SPOCK1: variants seen among roughly 807,000 people sequenced by gnomAD.
SPOCK1 encodes the protein SPARC (osteonectin), cwcv and kazal like domains proteoglycan 1.
A neutral mutation model predicts 55.3 loss-of-function variants in SPOCK1; 23 were observed. The observed-to-expected ratio is 0.42, with a 90% CI of 0.30 to 0.59. The LOEUF (loss-of-function observed/expected upper bound fraction) is 0.59. Among genes scored for constraint, SPOCK1 ranks in the 20% least tolerant of loss-of-function variants. SPOCK1 has a pLI of 0.22. For missense variants in SPOCK1, 499 were observed against 552.5 expected (o/e 0.90, Z 0.97); for synonymous variants, 226 against 221.0 (o/e 1.02, Z -0.20).
intron 2 of SPOCK1, among the ~76,000 whole-genome samples, chr5:137,421,947 T>C (rs1355443204): frequency 1.3e-5 from 2 of 152,206 alleles, no homozygotes; most frequent in East Asian, 3.9e-4. Flanking sequence ...AGTTGTTCCT[T>C]TCCATGTTTA....
At chr5:137,398,293 T>G (rs1751899812) in intron 2 of SPOCK1, among the ~76,000 whole-genome samples, 1 of 152,090 alleles carries the variant, frequency 6.6e-6, no homozygotes, top group Non-Finnish European at 1.5e-5. Flanking sequence ...GACTAAGTGT[T>G]CAGTCCAAGA....
chr5:136,993,979 T>G (rs1467194406), intron 6 of SPOCK1, among the ~76,000 whole-genome samples: 1 of 152,174 alleles, frequency 6.6e-6, no homozygotes, highest in Non-Finnish European at 1.5e-5. Flanking sequence ...CCACATATGC[T>G]TATCAGGCAA....
chr5:137,114,604 T>A (rs983866165), intron 4 of SPOCK1, among the ~76,000 whole-genome samples: 4 of 152,234 alleles, frequency 2.6e-5, no homozygotes, highest in African/African-American at 9.6e-5. Context: ...GGATTTGTTC[T>A]AGGATACTGA....
rs1421854543 is a variant in SPOCK1, at chr5:137,050,511, C to T, written c.589+17204G>A. On this transcript the variant is annotated intron_variant, in intron 6 of 10. Transcript: ENST00000394945. ...GCCCTGCTTCGGCTCGCGCACGGTG[C>T]GCGCACCCACTGGCCTGCGCCCACT... is the stretch of plus-strand genomic sequence containing the variant. Among the ~76,000 whole-genome samples, 9 of 150,804 alleles carry T rather than the reference C, an allele frequency of 6.0e-5. No individual in the cohort carries two copies. The East Asian group carries it at 1.4e-3, about 23-fold the overall frequency.
intron 2 of SPOCK1, among the ~76,000 whole-genome samples, chr5:137,415,779 A>G (rs1023097582): frequency 8.5e-5 from 13 of 152,230 alleles, no homozygotes; most frequent in African/African-American, 3.1e-4. Context: ...TTGCTGATCT[A>G]TATCCACTTA....
At chr5:137,258,959 C>T (rs961904237) in intron 3 of SPOCK1, among the ~76,000 whole-genome samples, 4 of 152,134 alleles carry the variant, frequency 2.6e-5, no homozygotes, top group African/African-American at 9.7e-5. Flanking sequence ...AACACAAACT[C>T]ATAGCCGACC....
chr5:137,130,766 C>T (rs1209992214), intron 4 of SPOCK1, among the ~76,000 whole-genome samples: 1 of 152,212 alleles, frequency 6.6e-6, no homozygotes, highest in Admixed American at 6.5e-5. Context: ...GCTGTGGACG[C>T]ATCATGGACA....
intron 2 of SPOCK1, among the ~76,000 whole-genome samples, chr5:137,424,873 G>C (rs1466351347): frequency 6.6e-6 from 1 of 152,192 alleles, no homozygotes; most frequent in Non-Finnish European, 1.5e-5. Context: ...TAATAAAAAT[G>C]TTCTAAATCT....
At chr5:137,113,772 C>T (rs1753520216) in intron 4 of SPOCK1, among the ~76,000 whole-genome samples, 1 of 152,106 alleles carries the variant, frequency 6.6e-6, no homozygotes, top group African/African-American at 2.4e-5. Context: ...TTACCATAAC[C>T]ATAGAAATGT....
At chr5:137,199,387 C>G (rs906832567) in intron 3 of SPOCK1, among the ~76,000 whole-genome samples, 1 of 152,140 alleles carries the variant, frequency 6.6e-6, no homozygotes, top group Admixed American at 6.5e-5. Context: ...CGTAGTTTCT[C>G]TTAAGTTCGG....
chr5:137,344,979 A>AG (rs1266780809), intron 2 of SPOCK1, among the ~76,000 whole-genome samples: 2 of 152,252 alleles, frequency 1.3e-5, no homozygotes, highest in Admixed American at 1.3e-4. Flanking sequence ...TCTTAGGCAG[A>AG]GTCTCAAAGA....
At chr5:137,327,381 T>C (rs1267514170) in intron 2 of SPOCK1, among the ~76,000 whole-genome samples, 2 of 152,234 alleles carry the variant, frequency 1.3e-5, no homozygotes, top group East Asian at 1.9e-4. Flanking sequence ...TTTATTTTTA[T>C]AATCTTATAA....
chr5:137,338,407 C>A (rs1750336079), intron 2 of SPOCK1, among the ~76,000 whole-genome samples: 2 of 152,010 alleles, frequency 1.3e-5, no homozygotes, highest in Admixed American at 6.6e-5. Flanking sequence ...TTTTCTTAAT[C>A]CAGTCTATCA....
chr5:137,087,102 C>T (rs1231156075), intron 5 of SPOCK1, among the ~76,000 whole-genome samples: 1 of 152,156 alleles, frequency 6.6e-6, no homozygotes, highest in African/African-American at 2.4e-5. Flanking sequence ...TTAATCAAAT[C>T]GATACAACAA....
At chr5:137,081,280 G>T (rs1752873934) in intron 5 of SPOCK1, among the ~76,000 whole-genome samples, 1 of 152,236 alleles carries the variant, frequency 6.6e-6, no homozygotes, top group Non-Finnish European at 1.5e-5. Context: ...AGACTTCACA[G>T]ATCAGGGAGA....
intron 2 of SPOCK1, among the ~76,000 whole-genome samples, chr5:137,455,559 T>G (rs1346401334): frequency 6.6e-6 from 1 of 152,216 alleles, no homozygotes; most frequent in Non-Finnish European, 1.5e-5. Flanking sequence ...AGCCCTGAGA[T>G]GGCCTGGAAT....
intron 5 of SPOCK1, among the ~76,000 whole-genome samples, chr5:137,080,957 A>T (rs149974867): frequency 1.1e-3 from 170 of 152,304 alleles, no homozygotes; most frequent in African/African-American, 3.7e-3. Flanking sequence ...GCAACTTCAA[A>T]CCAATTCTGA....
rs1252609539 is a variant in SPOCK1, at chr5:137,498,412, G to C, written c.147C>G (p.Ser49=). 6.2e-7 allele frequency: 1 copy of C among 1,607,312 alleles called. No individual in the cohort carries two copies. The highest frequency in any genetic ancestry group is 1.3e-5 in the African/African-American group (1 of 74,608). Residue 49 remains serine (S), a synonymous_variant, in exon 2 of 11, where the codon TCC becomes TCG. Coordinates refer to ENST00000394945, the MANE Select transcript of SPOCK1 (RefSeq NM_004598.4). ...TCCAGTACTTGTCCCGGTCGTACTG[G>C]GAGACGGTGCTCAGCCACTGGTCAT... The part of the protein sequence containing the change: ...LDNDQWLSTV[S]QYDRDKYWNR...
At chr5:137,286,127 G>A (rs1181709772) in intron 2 of SPOCK1, among the ~76,000 whole-genome samples, 1 of 152,162 alleles carries the variant, frequency 6.6e-6, no homozygotes, top group African/African-American at 2.4e-5. Flanking sequence ...TAAAGGGAAT[G>A]AGGTGCTGAG....
Sources: allele counts gnomAD v4.1 joint callset (sites outside exome capture counted in the v4.1 genomes callset), GRCh38; gene constraint gnomAD v4.1.1; transcripts MANE v1.5; gene names NCBI Gene and HGNC (gene_info 2026-07-23, HGNC 2026-07-21).